Variants in TCERG1 observed in about 807,000 individuals in gnomAD.
TCERG1 encodes the protein TATA box binding protein (TBP)-associated factor, RNA polymerase II, S, 150kD.
Under a neutral mutation model 144.7 loss-of-function variants are expected in TCERG1, and 37 were observed. The ratio of observed to expected loss-of-function variants is 0.26; its 90% CI spans 0.20 to 0.34. The LOEUF is 0.34. Among genes scored for constraint, TCERG1 ranks in the 10% least tolerant of loss-of-function variants. TCERG1 has a pLI of 1.00. For missense variants in TCERG1, 1,027 were observed against 1,380.7 expected, an observed-to-expected ratio of 0.74 and a Z score of 4.06; for synonymous variants, 492 against 458.2, an observed-to-expected ratio of 1.07 and a Z score of -0.94.
intron 1 of TCERG1, among the ~76,000 whole-genome samples, chr5:146,449,105 A>G (rs1248538967): frequency 6.6e-6 from 1 of 152,188 alleles, no homozygotes; most frequent in African/African-American, 2.4e-5. Flanking sequence ...TCATGAAATT[A>G]GGTGTGTATG....
chr5:146,447,389 T>C lies in TCERG1; in HGVS notation c.40T>C (p.Phe14Leu). 6.2e-7 allele frequency: 1 copy of C among 1,611,602 alleles called. No individual in the cohort carries two copies. Among genetic ancestry groups the C allele is most frequent in the Non-Finnish European group, 8.5e-7 (1 of 1,179,098 alleles). The change falls in exon 1 of 23, where the codon TTC (phenylalanine) becomes CTC (leucine). Residue 14 changes from phenylalanine to leucine, a missense_variant. Physicochemically the swap from Phe to Leu is conservative, Grantham distance 22. This residue lies in a region of TCERG1 where 175 missense variants were observed against 197.0 expected (regional missense o/e 0.89). Coordinates refer to ENST00000679501, the MANE Select transcript of TCERG1 (RefSeq NM_001382548.1). ...CGGGGACGGGGGCGAGAGTGAACGA[T>C]TCAACCCGGGGGAGCTCAGGTAAGG... is the stretch of plus-strand genomic sequence containing the variant. ...RGGDGGESER[F>L]NPGELRMAQQ...
At chr5:146,477,248 CAG>C (rs1233731212) in intron 9 of TCERG1, among the ~76,000 whole-genome samples, 1 of 151,398 alleles carries the variant, frequency 6.6e-6, no homozygotes. Flanking sequence ...TTCTTTATCT[CAG>C]GGAGGTATAG....
intron 1 of TCERG1, among the ~76,000 whole-genome samples, chr5:146,451,608 C>A (rs983038759): frequency 6.6e-6 from 1 of 151,590 alleles, no homozygotes; most frequent in Non-Finnish European, 1.5e-5. Flanking sequence ...CAGGCGTGAG[C>A]CACCGGGGGG....
chr5:146,497,430 A>G (rs1439448475), intron 16 of TCERG1, among the ~76,000 whole-genome samples: 1 of 152,182 alleles, frequency 6.6e-6, no homozygotes, highest in East Asian at 1.9e-4. Context: ...TGCATGCATG[A>G]GCCACTGCAC....
Position 146,510,906 on chromosome 5 carries a change from G to C in TCERG1, c.*264G>C. ...AAGCTAAAATTCATCCTTTTATGAG[G>C]TGTGGAAGTCAGTGACTTGGTGACG... On this transcript the variant is annotated 3_prime_UTR_variant, in exon 23 of 23. Transcript: ENST00000679501. 3.7e-6 allele frequency: 1 copy of C among 273,014 alleles called. No homozygotes were observed. Among genetic ancestry groups the C allele is most frequent in the Non-Finnish European group, 6.8e-6 (1 of 146,232 alleles). The allele number at this position is 273,014 out of a possible 1,614,324, so 16.9% of individuals were successfully genotyped here. A position where few individuals can be genotyped will look rare whatever the true frequency, so the allele number is the denominator to read the frequency against.
intron 15 of TCERG1, among the ~76,000 whole-genome samples, chr5:146,492,674 G>A (rs569765891): frequency 2.4e-4 from 37 of 152,128 alleles, no homozygotes; most frequent in African/African-American, 6.5e-4. Context: ...TTATAATCGG[G>A]AAAAAAATTA....
intron 16 of TCERG1, among the ~76,000 whole-genome samples, chr5:146,498,126 T>C (rs1767102910): frequency 6.6e-6 from 1 of 152,262 alleles, no homozygotes; most frequent in Middle Eastern, 3.4e-3. Flanking sequence ...TGAAATCGGT[T>C]GCCTCATATA....
chr5:146,491,713 A>G (rs1365881601), intron 15 of TCERG1, among the ~76,000 whole-genome samples: 2 of 152,104 alleles, frequency 1.3e-5, no homozygotes, highest in African/African-American at 4.8e-5. Context: ...TAGTTCAAAG[A>G]CACTCTCTTT....
chr5:146,482,429 A>G (rs573639527), intron 13 of TCERG1, 163 bp from the exon 14 acceptor site: 297 of 503,040 alleles, frequency 5.9e-4, no homozygotes, highest in Non-Finnish European at 8.5e-4. Flanking sequence ...TATGAAAGTT[A>G]TTTATCCCTT....
intron 15 of TCERG1, among the ~76,000 whole-genome samples, chr5:146,488,635 C>G (rs995424497): frequency 6.6e-6 from 1 of 152,006 alleles, no homozygotes; most frequent in African/African-American, 2.4e-5. Flanking sequence ...AGAATTTAAA[C>G]TAGTATATCC....
intron 9 of TCERG1, among the ~76,000 whole-genome samples, chr5:146,473,965 T>C (rs1764589726): frequency 1.3e-5 from 2 of 152,298 alleles, no homozygotes; most frequent in South Asian, 2.1e-4. Flanking sequence ...TCAAGTCTTA[T>C]TACTGAAAGT....
intron 1 of TCERG1, among the ~76,000 whole-genome samples, chr5:146,454,028 ACT>A (rs1762586941): frequency 7.4e-6 from 1 of 135,546 alleles, no homozygotes; most frequent in Non-Finnish European, 1.5e-5. Context: ...CCCCATCTCT[ACT>A]CAAATACAAA....
chr5:146,499,767 ATTTTCT>A (rs1422391558), intron 17 of TCERG1: 8 of 152,064 alleles, frequency 5.3e-5, no homozygotes, highest in South Asian at 2.1e-4. Context: ...TTTGTAACTG[ATTTTCT>A]TTTTCTAAAC....
chr5:146,455,630 A>C (rs1762757988), intron 2 of TCERG1, among the ~76,000 whole-genome samples: 1 of 152,218 alleles, frequency 6.6e-6, no homozygotes, highest in South Asian at 2.1e-4. Flanking sequence ...ATTTATTTTC[A>C]ATGATATATG....
intron 15 of TCERG1, among the ~76,000 whole-genome samples, chr5:146,489,755 A>T (rs1766219157): frequency 1.3e-5 from 2 of 152,170 alleles, no homozygotes; most frequent in Non-Finnish European, 2.9e-5. Flanking sequence ...ACTTAACAGA[A>T]TTATTTTTAA....
At chr5:146,504,837 A>G (rs1767797717) in intron 19 of TCERG1, among the ~76,000 whole-genome samples, 1 of 152,156 alleles carries the variant, frequency 6.6e-6, no homozygotes, top group Non-Finnish European at 1.5e-5. Flanking sequence ...ACTTGGGGTC[A>G]GGAGTTCAAG....
chr5:146,469,656 A>G lies in TCERG1; in HGVS notation c.1311A>G (p.Glu437=). 1.9e-6 allele frequency: 3 copies of G among 1,613,512 alleles called. No homozygotes were observed. The highest frequency in any genetic ancestry group is 2.5e-6 in the Non-Finnish European group (3 of 1,179,650). Reference sequence around the variant, plus strand: ...CAACAGCAGTTTCTGAATGGACTGAATATAAAACAGCAGATGGGAAGACAT... The same window carrying G: ...CAACAGCAGTTTCTGAATGGACTGAGTATAAAACAGCAGATGGGAAGACAT... ...AGATAVSEWT[E]YKTADGKTYY... Residue 437 remains glutamate, a synonymous_variant, in exon 7 of 23, where the codon GAA becomes GAG. Coordinates refer to ENST00000679501, the MANE Select transcript of TCERG1 (RefSeq NM_001382548.1).
intron 17 of TCERG1, among the ~76,000 whole-genome samples, chr5:146,500,417 C>T (rs765264855): frequency 6.6e-6 from 1 of 150,914 alleles, no homozygotes; most frequent in Non-Finnish European, 1.5e-5. Context: ...AAAAAAAAAT[C>T]ACATTGTAAC....
chr5:146,507,087 C>T lies in TCERG1; in HGVS notation c.2841C>T (p.Arg947=), dbSNP rs765893941. 4 of 1,613,524 alleles carry T rather than the reference C, an allele frequency of 2.5e-6. No homozygotes were observed. Among genetic ancestry groups the T allele is most frequent in the Non-Finnish European group, 3.4e-6 (4 of 1,179,794 alleles). Residue 947 remains arginine, a synonymous_variant, in exon 20 of 23, where the codon CGC becomes CGT. Coordinates refer to ENST00000679501, the MANE Select transcript of TCERG1 (RefSeq NM_001382548.1). This position sits in a 1 kb window ranked among gnomAD's most constrained non-coding sequence, Gnocchi z 4.6. Reference sequence around the variant, plus strand: ...GTAGGACCCTCCGAAAAGATCACCGCTGGGAATCTGGATCCTTATTGGAAA... The same window carrying T: ...GTAGGACCCTCCGAAAAGATCACCGTTGGGAATCTGGATCCTTATTGGAAA... ...DTRRTLRKDH[R]WESGSLLERE...
Sources: allele counts gnomAD v4.1 joint callset (sites outside exome capture counted in the v4.1 genomes callset), GRCh38; gene constraint gnomAD v4.1.1; regional missense constraint gnomAD v4.1.1; non-coding constraint Gnocchi (gnomAD v3.1); transcripts MANE v1.5; gene names NCBI Gene and HGNC (gene_info 2026-07-23, HGNC 2026-07-21).